Variants in GSG1L observed in about 807,000 individuals in gnomAD.
GSG1L encodes the protein GSG1 like, also known as germ cell-specific gene 1-like protein.
In GSG1L, 24 loss-of-function variants were observed where a neutral mutation model predicts 42.1. The observed-to-expected ratio is 0.57, with a 90% CI of 0.41 to 0.80. The LOEUF is 0.80. Ranked by LOEUF, GSG1L falls within the 30% of genes least tolerant of loss-of-function variation. The pLI, the probability that GSG1L is intolerant of heterozygous loss-of-function variation, is 0.00. For synonymous variants in GSG1L, 215 were observed against 203.5 expected (o/e 1.06, Z -0.48); for missense variants, 445 against 472.2 (o/e 0.94, Z 0.53).
At chr16:27,888,463 TCTCTCTCTC>T (rs1567505750) in intron 2 of GSG1L, among the ~76,000 whole-genome samples, 4 of 17,170 alleles carry the variant, frequency 2.3e-4, no homozygotes, top group Non-Finnish European at 5.0e-4. Context: ...TTTCTTTCTT[TCTCTCTCTC>T]TCTCTCTTTC....
intron 2 of GSG1L, among the ~76,000 whole-genome samples, chr16:27,921,271 C>A (rs1226456104): frequency 6.6e-6 from 1 of 152,132 alleles, no homozygotes; most frequent in Non-Finnish European, 1.5e-5. Flanking sequence ...CTTTCCCCAC[C>A]GCACCCCCAG....
intron 5 of GSG1L, among the ~76,000 whole-genome samples, chr16:27,814,933 C>CA (rs1555501491): frequency 6.8e-6 from 1 of 147,202 alleles, no homozygotes; most frequent in Non-Finnish European, 1.5e-5. Context: ...GACAGATTTA[C>CA]TTTTTTTTTT....
At chr16:27,807,966 AG>A (rs2082986909) in intron 5 of GSG1L, among the ~76,000 whole-genome samples, 1 of 152,260 alleles carries the variant, frequency 6.6e-6, no homozygotes, top group South Asian at 2.1e-4. Flanking sequence ...CACACCAAAA[AG>A]TTAACGGTGA....
intron 5 of GSG1L, among the ~76,000 whole-genome samples, chr16:27,814,563 T>C (rs1446242515): frequency 6.6e-6 from 1 of 151,664 alleles, no homozygotes; most frequent in Non-Finnish European, 1.5e-5. Flanking sequence ...CGGGCGCCTA[T>C]AATCCCAGCT....
At position 27,971,883 on chromosome 16, in the gene GSG1L, C is replaced by A. The variant is rs558140417; in HGVS notation, c.350-8680G>T. 2.5e-4 allele frequency among the ~76,000 whole-genome samples: 38 copies of A among 152,262 alleles called. No individual in the cohort carries two copies. The South Asian group carries it at 7.9e-3, about 32-fold the overall frequency. ...GATATTTGCCGTCTCTTTAGTCCCA[C>A]AACAAACTTCAATGAGAATCTCCAC... On this transcript the variant is annotated intron_variant, in intron 1 of 6. Transcript: ENST00000447459.
chr16:28,037,004 GGTT>G (rs949042054), intron 1 of GSG1L, among the ~76,000 whole-genome samples: 9 of 151,962 alleles, frequency 5.9e-5, no homozygotes, highest in Non-Finnish European at 1.2e-4. Context: ...CTTTATCTTT[GGTT>G]GTTGTTGTTG....
chr16:27,836,736 C>T (rs2083325197), intron 4 of GSG1L, among the ~76,000 whole-genome samples: 1 of 152,080 alleles, frequency 6.6e-6, no homozygotes, highest in Non-Finnish European at 1.5e-5. Flanking sequence ...TTTCCTGAGA[C>T]TTTCTATTTT....
intron 2 of GSG1L, among the ~76,000 whole-genome samples, chr16:27,924,177 A>G (rs2084564514): frequency 1.3e-5 from 2 of 151,544 alleles, no homozygotes; most frequent in African/African-American, 4.8e-5. Context: ...ACAAATATAT[A>G]TAATGTCTAT....
intron 3 of GSG1L, among the ~76,000 whole-genome samples, chr16:27,852,924 C>A (rs934662335): frequency 6.6e-6 from 1 of 152,052 alleles, no homozygotes; most frequent in Non-Finnish European, 1.5e-5. Flanking sequence ...AGCCCCGGGG[C>A]ACCGGGTACC....
At chr16:27,892,407 G>A (rs935111204) in intron 2 of GSG1L, among the ~76,000 whole-genome samples, 1 of 151,992 alleles carries the variant, frequency 6.6e-6, no homozygotes, top group East Asian at 1.9e-4. Flanking sequence ...AATTAGCTAC[G>A]ATCCTGTCGC....
chr16:28,061,483 A>G (rs2086340781), intron 1 of GSG1L, among the ~76,000 whole-genome samples: 1 of 152,180 alleles, frequency 6.6e-6, no homozygotes. Flanking sequence ...CACCCCCAGA[A>G]GAGAGACAGA....
At chr16:27,992,495 C>CAAAAAAAAAAAA (rs34225891) in intron 1 of GSG1L, among the ~76,000 whole-genome samples, 1 of 145,146 alleles carries the variant, frequency 6.9e-6, no homozygotes, top group Non-Finnish European at 1.5e-5. Flanking sequence ...AACTCCATCT[C>CAAAAAAAAAAAA]AAAAAAAAAA....
chr16:28,063,660 G>T lies in GSG1L; in HGVS notation c.-236C>A, dbSNP rs974252645. Among the ~76,000 whole-genome samples, 1 of 147,910 alleles carries T rather than the reference G, an allele frequency of 6.8e-6. No homozygotes were observed. ...CGGGCGGCGGTGGAGGAGCGGCTAC[G>T]GCGCGCCCGGAGCCCGGAGCGCGAG... On this transcript the variant is annotated 5_prime_UTR_variant, in exon 1 of 7. Transcript: ENST00000447459. The surrounding 1 kb of genome is among the most constrained non-coding windows in gnomAD (Gnocchi z 5.8).
intron 1 of GSG1L, among the ~76,000 whole-genome samples, chr16:27,965,178 C>T (rs974074102): frequency 1.3e-5 from 2 of 151,936 alleles, no homozygotes; most frequent in African/African-American, 4.8e-5. Flanking sequence ...ACCATCACGC[C>T]CAGCCAATTT....
chr16:28,040,105 G>A lies in GSG1L; in HGVS notation c.349+22971C>T, dbSNP rs986924900. 1.3e-5 allele frequency among the ~76,000 whole-genome samples: 2 copies of A among 151,954 alleles called. No homozygotes were observed. Among genetic ancestry groups the A allele is most frequent in the Non-Finnish European group, 2.9e-5 (2 of 67,986 alleles). On this transcript the variant is annotated intron_variant, in intron 1 of 6. Transcript: ENST00000447459. This position sits in a 1 kb window ranked among gnomAD's most constrained non-coding sequence, Gnocchi z 4.1. ...TTCCTGCAAAACAATGGCTGAGCCC[G>A]TCACCCTTCTCCACACCCATCACCA...
intron 1 of GSG1L, among the ~76,000 whole-genome samples, chr16:27,994,844 C>A (rs139411586): frequency 6.6e-6 from 1 of 152,320 alleles, no homozygotes; most frequent in Non-Finnish European, 1.5e-5. Flanking sequence ...TTGCACATAA[C>A]GGAGCACCAT....
At chr16:27,926,753 A>G (rs1253414169) in intron 2 of GSG1L, among the ~76,000 whole-genome samples, 1 of 152,220 alleles carries the variant, frequency 6.6e-6, no homozygotes, top group African/African-American at 2.4e-5. Context: ...AACTCATTGA[A>G]GAAAGTGACA....
At chr16:27,897,292 C>T (rs2084202798) in intron 2 of GSG1L, among the ~76,000 whole-genome samples, 1 of 151,442 alleles carries the variant, frequency 6.6e-6, no homozygotes, top group Non-Finnish European at 1.5e-5. Context: ...AACTAATACA[C>T]CTCCTTTTTT....
At chr16:27,840,644 C>T (rs896326611) in intron 4 of GSG1L, among the ~76,000 whole-genome samples, 2 of 152,220 alleles carry the variant, frequency 1.3e-5, no homozygotes, top group East Asian at 1.9e-4. Flanking sequence ...ACACCTCCCG[C>T]GGTTCATGCC....
Sources: gnomAD v4.1 joint callset for allele counts (sites outside exome capture counted in the v4.1 genomes callset) on GRCh38, gnomAD v4.1.1 for gene constraint, Gnocchi (gnomAD v3.1) non-coding constraint, MANE v1.5 for transcripts, NCBI Gene and HGNC (gene_info 2026-07-23, HGNC 2026-07-21) for gene names.